Variants in IFT172 observed in about 807,000 individuals in gnomAD.
IFT172 encodes intraflagellar transport 172.
IFT172 carries 164 observed loss-of-function variants against 248.9 expected under a neutral mutation model. The ratio of observed to expected loss-of-function variants is 0.66; its 90% CI spans 0.58 to 0.75. IFT172 has a LOEUF of 0.75. Among genes scored for constraint, IFT172 ranks in the 30% least tolerant of loss-of-function variants. The pLI, the probability that IFT172 is intolerant of heterozygous loss-of-function variation, is 0.00. For missense variants in IFT172, 1,950 were observed against 2,192.4 expected, an observed-to-expected ratio of 0.89 and a Z score of 2.21; for synonymous variants, 729 against 791.6, an observed-to-expected ratio of 0.92 and a Z score of 1.33.
intron 30 of IFT172, chr2:27,455,728 GA>G: frequency 2.6e-6 from 1 of 388,190 alleles, no homozygotes; most frequent in Non-Finnish European, 4.9e-6. Flanking sequence ...AAACAAAAAA[GA>G]AAAATGGCAG....
intron 40 of IFT172, among the ~76,000 whole-genome samples, chr2:27,448,658 T>G (rs1227249071): frequency 2.6e-5 from 4 of 152,184 alleles, no homozygotes; most frequent in Non-Finnish European, 5.9e-5. Flanking sequence ...GGTGCCTGTG[T>G]ATTTGCTAAC....
In IFT172 at chr2:27,481,272, G is replaced by A. The variant is rs2148550539; in HGVS notation, c.571-12C>T. 6.2e-7 allele frequency: 1 copy of A among 1,605,028 alleles called. No individual in the cohort carries two copies. Among genetic ancestry groups the A allele is most frequent in the Non-Finnish European group, 8.5e-7 (1 of 1,175,274 alleles). ...TTAACCAACTTCCCCTAAGACAGAA[G>A]TAGAGGGTTTCAATCACTCTTCGAA... On this transcript the variant is annotated splice_polypyrimidine_tract_variant and intron_variant, in intron 7 of 47. Coordinates refer to ENST00000260570, the MANE Select transcript of IFT172 (RefSeq NM_015662.3).
At position 27,454,452 on chromosome 2, in the gene IFT172, G is replaced by A; in HGVS notation, c.3466-34C>T. 4 of 1,614,092 alleles carry A rather than the reference G, an allele frequency of 2.5e-6. No individual in the cohort carries two copies. Among genetic ancestry groups the A allele is most frequent in the East Asian group, 2.2e-5 (1 of 44,874 alleles). On this transcript the variant is annotated intron_variant, in intron 31 of 47. Coordinates refer to ENST00000260570, the MANE Select transcript of IFT172 (RefSeq NM_015662.3). The surrounding 1 kb of genome is among the most constrained non-coding windows in gnomAD (Gnocchi z 4.2). ...AGAGAAAGGCAGCCGTGCATGATGA[G>A]AAGGAGACTGGCATCACAGGCAGGC...
chr2:27,449,806 C>A lies in IFT172; in HGVS notation c.4051-6G>T. On this transcript the variant is annotated splice_region_variant and splice_polypyrimidine_tract_variant and intron_variant, in intron 36 of 47. Coordinates refer to ENST00000260570, the MANE Select transcript of IFT172 (RefSeq NM_015662.3). ...TTCAGATAGAGCTCTGCAGCCTGCA[C>A]AGTGGGAAATCAGCGTGGAGACTTT... 6.2e-7 allele frequency: 1 copy of A among 1,601,208 alleles called. No individual in the cohort carries two copies. Among genetic ancestry groups the A allele is most frequent in the Non-Finnish European group, 8.5e-7 (1 of 1,171,098 alleles).
intron 14 of IFT172, 83 bp downstream of exon 14, chr2:27,476,558 C>T: frequency 1.2e-6 from 1 of 820,640 alleles, no homozygotes; most frequent in Non-Finnish European, 2.0e-6. Context: ...TTCCTGCATT[C>T]CCCACTGAAT....
In IFT172 at chr2:27,454,038, C is replaced by T; in HGVS notation, c.3655G>A (p.Ala1219Thr). The T allele has an allele frequency of 6.2e-7, 1 of 1,614,136 alleles. No individual in the cohort carries two copies. Among genetic ancestry groups the T allele is most frequent in the Non-Finnish European group, 8.5e-7 (1 of 1,180,028 alleles). Reference sequence around the variant, plus strand: ...TGGGCCCGGAGCAGCAGCCCTTCTGCTTTCTGAAAGTCCTTCTCCTCCAAG... The same window carrying T: ...TGGGCCCGGAGCAGCAGCCCTTCTGTTTTCTGAAAGTCCTTCTCCTCCAAG... ...GALEEKDFQK[A>T]EGLLLRAQRP... The change falls in exon 33 of 48, where the codon GCA (alanine) becomes ACA (threonine). Residue 1219 changes from alanine to threonine, a missense_variant. Around this residue, in one of 3 missense-constraint regions of IFT172, gnomAD observed 620 missense variants for 699.0 expected, o/e 0.89. Transcript: ENST00000260570. This position sits in a 1 kb window ranked among gnomAD's most constrained non-coding sequence, Gnocchi z 4.2.
chr2:27,468,422 T>G (rs543040832), intron 16 of IFT172, among the ~76,000 whole-genome samples: 2 of 151,722 alleles, frequency 1.3e-5, no homozygotes, highest in Non-Finnish European at 2.9e-5. Flanking sequence ...TTAGTAGAGA[T>G]GCGGTTTCGC....
intron 3 of IFT172, 75 bp downstream of exon 3, chr2:27,484,943 C>T (rs988337273): frequency 1.0e-5 from 9 of 865,014 alleles, no homozygotes; most frequent in South Asian, 4.3e-5. Flanking sequence ...CCTGTATTTC[C>T]CCTCCCCAGT....
At chr2:27,457,551 G>T in intron 29 of IFT172, 88 bp downstream of exon 29, 1 of 1,160,770 alleles carries the variant, frequency 8.6e-7, no homozygotes, top group Non-Finnish European at 1.3e-6. Context: ...CTCCAGCCTG[G>T]GTGACAGAGT....
In IFT172 at chr2:27,477,206, T is replaced by G. The variant is rs767955758; in HGVS notation, c.1325+11A>C. On this transcript the variant is annotated intron_variant, in intron 13 of 47. Coordinates refer to ENST00000260570, the MANE Select transcript of IFT172 (RefSeq NM_015662.3). ...TGGGTTTCAGGGATTCAGAGAATCT[T>G]GTGAGGTTACCTGATGAGGTGGGGG... 3 of 1,604,958 alleles carry G rather than the reference T, an allele frequency of 1.9e-6. No homozygotes were observed. The South Asian group carries it at 3.3e-5, about 18-fold the overall frequency.
chr2:27,484,387 C>T (rs1050619732), intron 3 of IFT172, 121 bp from the exon 4 acceptor site: 11 of 931,424 alleles, frequency 1.2e-5, no homozygotes, highest in Non-Finnish European at 1.7e-5. Flanking sequence ...GTCAGGAGAT[C>T]GAGACCATCC....
At position 27,472,396 on chromosome 2, in the gene IFT172, G is replaced by A. The variant is rs200716884; in HGVS notation, c.1412-34C>T. The A allele has an allele frequency of 2.6e-6, 4 of 1,534,338 alleles. No homozygotes were observed. The African/African-American group carries it at 5.5e-5, about 21-fold the overall frequency. ...TAAAGGAGACAGGGTTAAGAAGAGA[G>A]ATTCCACACATATACATAGTATGGC... On this transcript the variant is annotated intron_variant, in intron 14 of 47. Transcript: ENST00000260570.
chr2:27,483,980 G>T (rs1451560167), intron 4 of IFT172, 43 bp from the exon 5 acceptor site: 1 of 1,565,096 alleles, frequency 6.4e-7, no homozygotes, highest in South Asian at 1.1e-5. Context: ...CCATCTGTGT[G>T]GGCCAGCACT....
intron 20 of IFT172, among the ~76,000 whole-genome samples, 155 bp downstream of exon 20, chr2:27,462,546 A>G (rs1666760718): frequency 6.6e-6 from 1 of 152,226 alleles, no homozygotes; most frequent in Non-Finnish European, 1.5e-5. Flanking sequence ...AATTAAGAAA[A>G]GGGTGAAATT....
chr2:27,470,208 C>T (rs1667447037), intron 16 of IFT172, among the ~76,000 whole-genome samples: 1 of 151,080 alleles, frequency 6.6e-6, no homozygotes, highest in African/African-American at 2.4e-5. Flanking sequence ...TGTATCACTG[C>T]ACTCCAGCCT....
At chr2:27,471,835 C>T (rs567144366) in intron 15 of IFT172, 8 of 226,968 alleles carry the variant, frequency 3.5e-5, no homozygotes, top group South Asian at 2.1e-4. Context: ...GTCAGGAGTT[C>T]GAGACCAGCC....
chr2:27,480,174 G>A (rs967200268), intron 8 of IFT172, 25 bp from the exon 9 acceptor site: 3 of 1,608,740 alleles, frequency 1.9e-6, no homozygotes, highest in Non-Finnish European at 2.5e-6. Flanking sequence ...GTGGCTTTTA[G>A]AAGAGATTGA....
At chr2:27,450,967 A>G (rs1365074419) in intron 35 of IFT172, among the ~76,000 whole-genome samples, 2 of 89,882 alleles carry the variant, frequency 2.2e-5, no homozygotes, top group South Asian at 3.2e-4. Context: ...TTTTTTTTTT[A>G]CTCTTTTTAA....
At chr2:27,485,677 G>A (rs982113491) in intron 1 of IFT172, among the ~76,000 whole-genome samples, 174 bp from the exon 2 acceptor site, 1 of 152,128 alleles carries the variant, frequency 6.6e-6, no homozygotes, top group Non-Finnish European at 1.5e-5. Flanking sequence ...TTCAGATCCT[G>A]GACTGTGAGA....
Sources: gnomAD v4.1 joint callset for allele counts (sites outside exome capture counted in the v4.1 genomes callset) on GRCh38, gnomAD v4.1.1 for gene constraint, gnomAD v4.1.1 regional missense constraint, Gnocchi (gnomAD v3.1) non-coding constraint, MANE v1.5 for transcripts, NCBI Gene and HGNC (gene_info 2026-07-23, HGNC 2026-07-21) for gene names.